MIPEP: variants seen among roughly 807,000 people sequenced by gnomAD.
MIPEP encodes the protein mitochondrial intermediate peptidase.
Under a neutral mutation model 90.3 loss-of-function variants are expected in MIPEP, and 79 were observed. The observed-to-expected ratio is 0.87, with a 90% confidence interval of 0.73 to 1.05. MIPEP has a LOEUF of 1.05. Among genes scored for constraint, MIPEP ranks in the 50% least tolerant of loss-of-function variants. The pLI is 0.00. For synonymous variants in MIPEP, 334 were observed against 315.8 expected, an observed-to-expected ratio of 1.06 and a Z score of -0.61; for missense variants, 940 against 905.6, an observed-to-expected ratio of 1.04 and a Z score of -0.49.
intron 13 of MIPEP, among the ~76,000 whole-genome samples, chr13:23,836,755 T>C (rs1024650616): frequency 5.3e-5 from 8 of 152,244 alleles, no homozygotes; most frequent in African/African-American, 9.6e-5. Context: ...AAGTACTTTA[T>C]TTTATCCATT....
At position 23,874,844 on chromosome 13, in the gene MIPEP, A is replaced by T. The variant is rs1870992371; in HGVS notation, c.603+2T>A. On this transcript the variant is annotated splice_donor_variant, in intron 5 of 18. Coordinates refer to ENST00000382172, the MANE Select transcript of MIPEP (RefSeq NM_005932.4). LOFTEE classifies it high-confidence loss of function. Reference sequence around the variant, plus strand: ...AGTCAAAAAAACAGCAGAAAGATGTACCTTTTCTTTGTCTAGATGGATTCC... The same window carrying T: ...AGTCAAAAAAACAGCAGAAAGATGTTCCTTTTCTTTGTCTAGATGGATTCC... The T allele has an allele frequency of 1.3e-6, 2 of 1,586,946 alleles. No individual in the cohort carries two copies. The highest frequency in any genetic ancestry group is 1.2e-5 in the South Asian group (1 of 85,056).
At chr13:23,838,166 T>C (rs1379988906) in intron 12 of MIPEP, among the ~76,000 whole-genome samples, 1 of 152,086 alleles carries the variant, frequency 6.6e-6, no homozygotes, top group Non-Finnish European at 1.5e-5. Context: ...TTTTTTAAGA[T>C]AGGGTCTTGC....
intron 15 of MIPEP, among the ~76,000 whole-genome samples, chr13:23,808,068 T>A (rs892787458): frequency 6.6e-5 from 10 of 151,844 alleles, no homozygotes; most frequent in East Asian, 3.9e-4. Flanking sequence ...ACAATAATTT[T>A]AAAAAATGTA....
At chr13:23,879,904 GCCAT>G (rs1206168342) in intron 3 of MIPEP, among the ~76,000 whole-genome samples, 1 of 152,094 alleles carries the variant, frequency 6.6e-6, no homozygotes, top group African/African-American at 2.4e-5. Flanking sequence ...GAGCAGTTGT[GCCAT>G]CCAGAGAGCA....
chr13:23,772,479 G>A (rs1055969610), intron 16 of MIPEP, among the ~76,000 whole-genome samples: 9 of 152,090 alleles, frequency 5.9e-5, no homozygotes, highest in East Asian at 3.8e-4. Flanking sequence ...ATGCTGCTGC[G>A]CTGAAGTATT....
chr13:23,861,934 A>C (rs1333191992), intron 9 of MIPEP, among the ~76,000 whole-genome samples: 5 of 152,238 alleles, frequency 3.3e-5, no homozygotes, highest in Non-Finnish European at 7.3e-5. Flanking sequence ...GAACTGCAAC[A>C]TTAACACTGA....
At position 23,838,319 on chromosome 13, in the gene MIPEP, A is replaced by ATT. The variant is rs577502446; in HGVS notation, c.1339-565_1339-564dup. ...CCACCACACCCAGCTAAATTTTTAGATTTTTTTTTGTACAGATGGAGTCTT... is the reference window on the plus strand; with the variant it reads ...CCACCACACCCAGCTAAATTTTTAGATTTTTTTTTTTGTACAGATGGAGTCTT... On this transcript the variant is annotated intron_variant, in intron 12 of 18. Transcript: ENST00000382172. Among the ~76,000 whole-genome samples, 281 of 151,408 alleles carry ATT rather than the reference A, an allele frequency of 1.9e-3. 2 individuals carry two copies. The highest frequency in any genetic ancestry group is 6.8e-3 in the Middle Eastern group (2 of 292).
intron 14 of MIPEP, among the ~76,000 whole-genome samples, chr13:23,818,255 TA>T (rs79782871): frequency 0.21 from 30,824 of 145,596 alleles, 4,404 homozygotes; most frequent in African/African-American, 0.41. Context: ...TGTATCTACT[TA>T]AAAAAAAAAA....
chr13:23,887,276 G>C lies in MIPEP; in HGVS notation c.190-770C>G, dbSNP rs150867032. Among the ~76,000 whole-genome samples, 15 of 152,222 alleles carry C rather than the reference G, an allele frequency of 9.9e-5. No individual in the cohort carries two copies. The East Asian group carries it at 2.9e-3, about 29-fold the overall frequency. The stretch of plus-strand genomic sequence containing the variant: ...TCTTGTTACCTATTCAATCACACTT[G>C]TTAGCACACTCAGGAAGGCAGGGGG... On this transcript the variant is annotated intron_variant, in intron 1 of 18. Coordinates refer to ENST00000382172, the MANE Select transcript of MIPEP (RefSeq NM_005932.4).
intron 9 of MIPEP, among the ~76,000 whole-genome samples, chr13:23,860,294 G>C (rs1459602815): frequency 2.0e-5 from 3 of 152,198 alleles, no homozygotes; most frequent in Admixed American, 6.5e-5. Context: ...AGGGAGAAAG[G>C]CATTCCTGTA....
At chr13:23,763,584 T>A (rs1303632763) in intron 16 of MIPEP, among the ~76,000 whole-genome samples, 2 of 131,102 alleles carry the variant, frequency 1.5e-5, no homozygotes, top group Non-Finnish European at 3.3e-5. Flanking sequence ...ATGTCTTAAG[T>A]TCCCTGGTTT....
At chr13:23,782,645 C>CA (rs1490806039) in intron 16 of MIPEP, among the ~76,000 whole-genome samples, 13 of 151,946 alleles carry the variant, frequency 8.6e-5, no homozygotes, top group Non-Finnish European at 1.3e-4. Context: ...AAAAAGTCTT[C>CA]AAAAAATCAA....
intron 16 of MIPEP, chr13:23,766,073 G>C (rs1008661179): frequency 1.5e-4 from 23 of 152,172 alleles, no homozygotes; most frequent in African/African-American, 5.3e-4. Flanking sequence ...TTCTTCGCCG[G>C]ATTCTTTTGA....
intron 15 of MIPEP, among the ~76,000 whole-genome samples, chr13:23,808,162 G>C (rs1193092020): frequency 2.0e-5 from 3 of 151,024 alleles, no homozygotes; most frequent in African/African-American, 7.3e-5. Context: ...GCAGTGGCGC[G>C]ATCTCGGCTC....
chr13:23,745,197 A>G (rs990371577), intron 18 of MIPEP, among the ~76,000 whole-genome samples: 1 of 152,202 alleles, frequency 6.6e-6, no homozygotes, highest in East Asian at 1.9e-4. Context: ...GGACTATTCA[A>G]TAAGAGAAAC....
At position 23,841,492 on chromosome 13, in the gene MIPEP, A is replaced by C. The variant is rs761401641; in HGVS notation, c.1107-4T>G. The C allele has an allele frequency of 5.0e-6, 8 of 1,593,260 alleles. No homozygotes were observed. Among genetic ancestry groups the C allele is most frequent in the Admixed American group, 1.9e-5 (1 of 53,674 alleles). On this transcript the variant is annotated splice_region_variant and splice_polypyrimidine_tract_variant and intron_variant, in intron 10 of 18. Transcript: ENST00000382172. The stretch of plus-strand genomic sequence containing the variant: ...TAGGCTGGGCTCAATATTATACCTA[A>C]GAGAAGGAAGAGAGGTTCAACAGCA...
chr13:23,876,803 CT>C (rs1413688620), intron 4 of MIPEP, among the ~76,000 whole-genome samples: 1 of 152,124 alleles, frequency 6.6e-6, no homozygotes, highest in African/African-American at 2.4e-5. Flanking sequence ...CAAGAAAGAC[CT>C]TCCATATCCC....
chr13:23,863,435 T>C (rs759931154), intron 8 of MIPEP, among the ~76,000 whole-genome samples: 1 of 152,140 alleles, frequency 6.6e-6, no homozygotes, highest in African/African-American at 2.4e-5. Flanking sequence ...ATGTGATAGG[T>C]TGCAGCCAAA....
intron 16 of MIPEP, among the ~76,000 whole-genome samples, chr13:23,783,373 C>T (rs1952802007): frequency 6.6e-6 from 1 of 152,144 alleles, no homozygotes; most frequent in African/African-American, 2.4e-5. Context: ...TCAACAGATG[C>T]AGAAAAGGCC....
Sources: allele counts gnomAD v4.1 joint callset (sites outside exome capture counted in the v4.1 genomes callset), GRCh38; gene constraint gnomAD v4.1.1; transcripts MANE v1.5; gene names NCBI Gene and HGNC (gene_info 2026-07-23, HGNC 2026-07-21).